Variants in HPSE2 observed in about 807,000 individuals in gnomAD.
HPSE2 encodes the protein inactive heparanase-2.
A neutral mutation model predicts 60.5 loss-of-function variants in HPSE2; 38 were observed. The ratio of observed to expected loss-of-function variants is 0.63; its 90% confidence interval spans 0.48 to 0.82. HPSE2 has a LOEUF of 0.82. Among genes scored for constraint, HPSE2 ranks in the 40% least tolerant of loss-of-function variants. The pLI is 0.00. For missense variants in HPSE2, 713 were observed against 740.4 expected (o/e 0.96, Z 0.43); for synonymous variants, 295 against 293.2 (o/e 1.01, Z -0.06).
intron 3 of HPSE2, among the ~76,000 whole-genome samples, chr10:98,859,133 T>A (rs1401006829): frequency 6.6e-6 from 1 of 152,232 alleles, no homozygotes. Flanking sequence ...AAAATTCAAT[T>A]TTCTACATCC....
intron 3 of HPSE2, among the ~76,000 whole-genome samples, chr10:98,910,219 C>G (rs984180741): frequency 1.3e-5 from 2 of 152,156 alleles, no homozygotes; most frequent in Non-Finnish European, 2.9e-5. Context: ...GCTAGTACTT[C>G]TGGTGCCCAG....
chr10:98,743,757 TG>T (rs1949558729), intron 4 of HPSE2, 125 bp downstream of exon 4: 2 of 841,916 alleles, frequency 2.4e-6, no homozygotes. Flanking sequence ...GTCAACTCAG[TG>T]GCCAAACATC....
chr10:99,001,670 C>T (rs1956779841), intron 3 of HPSE2, among the ~76,000 whole-genome samples: 1 of 152,000 alleles, frequency 6.6e-6, no homozygotes, highest in Non-Finnish European at 1.5e-5. Flanking sequence ...GGCCAAAGGA[C>T]CATAGCCACA....
At chr10:98,483,258 T>C (rs1023050350) in intron 10 of HPSE2, among the ~76,000 whole-genome samples, 3 of 152,198 alleles carry the variant, frequency 2.0e-5, no homozygotes, top group African/African-American at 7.2e-5. Flanking sequence ...TTTACATAAC[T>C]GGAATCACAT....
the HPSE2 span, among the ~76,000 whole-genome samples, chr10:99,257,774 T>A: frequency 6.6e-6 from 1 of 152,110 alleles, no homozygotes; most frequent in African/African-American, 2.4e-5. Context: ...CCTTTTGAAA[T>A]CACTAATAAA....
chr10:99,314,411 C>T, the HPSE2 span, among the ~76,000 whole-genome samples: 1 of 152,212 alleles, frequency 6.6e-6, no homozygotes, highest in East Asian at 1.9e-4. Flanking sequence ...GATCCTCCCA[C>T]CTCAGCCTCC....
At chr10:98,605,739 A>G (rs186748398) in intron 9 of HPSE2, among the ~76,000 whole-genome samples, 22 of 152,332 alleles carry the variant, frequency 1.4e-4, no homozygotes, top group Admixed American at 1.2e-3. Context: ...CATCAGGTGC[A>G]GGGAGCTTGA....
chr10:98,693,880 CA>C lies in HPSE2; in HGVS notation c.1004+19del, dbSNP rs1948142364. The C allele has an allele frequency of 6.3e-7, 1 of 1,595,532 alleles. No homozygotes were observed. Among genetic ancestry groups the C allele is most frequent in the Non-Finnish European group, 8.6e-7 (1 of 1,163,108 alleles). ...CACAGCAGCTGATAATAAGTAAGAG[CA>C]AAAATGGTGAATACCTACTGTTGCC... On this transcript the variant is annotated intron_variant, in intron 6 of 11. Coordinates refer to ENST00000370552, the MANE Select transcript of HPSE2 (RefSeq NM_021828.5).
intron 9 of HPSE2, among the ~76,000 whole-genome samples, chr10:98,499,040 G>C (rs1941943315): frequency 6.6e-6 from 1 of 152,214 alleles, no homozygotes. Flanking sequence ...TGGTGTTCCT[G>C]AGGAAGAAGA....
At chr10:99,209,276 A>T (rs2133904389) in intron 2 of HPSE2, among the ~76,000 whole-genome samples, 1 of 152,336 alleles carries the variant, frequency 6.6e-6, no homozygotes, top group South Asian at 2.1e-4. Flanking sequence ...GGAAGACTGA[A>T]ATCATATCAA....
At chr10:99,184,819 T>TATAGAG (rs1554912295) in intron 2 of HPSE2, among the ~76,000 whole-genome samples, 17 of 19,864 alleles carry the variant, frequency 8.6e-4, no homozygotes, top group African/African-American at 1.7e-3. Flanking sequence ...TATATATATA[T>TATAGAG]AGAGAGAGAG....
chr10:98,853,332 C>T (rs1418823237), intron 3 of HPSE2, among the ~76,000 whole-genome samples: 2 of 152,136 alleles, frequency 1.3e-5, no homozygotes, highest in Non-Finnish European at 2.9e-5. Flanking sequence ...TGTTTCATTC[C>T]TTTCCAGAGA....
chr10:99,214,952 G>A (rs900093287), intron 2 of HPSE2, among the ~76,000 whole-genome samples: 1 of 152,156 alleles, frequency 6.6e-6, no homozygotes, highest in Admixed American at 6.5e-5. Flanking sequence ...ATGCTGGTGA[G>A]GCTGTGGAGA....
chr10:98,942,013 A>C lies in HPSE2; in HGVS notation c.611-197957T>G, dbSNP rs544897325. Among the ~76,000 whole-genome samples, 14 of 143,530 alleles carry C rather than the reference A, an allele frequency of 9.8e-5. 1 individual carries two copies. In the South Asian group the frequency reaches 3.0e-3, roughly 30 times the overall value. 94.2% of individuals were successfully genotyped at this position (143,530 alleles called of 152,430 possible). On this transcript the variant is annotated intron_variant, in intron 3 of 11. Transcript: ENST00000370552. ...CCTATTTAATAAATGGTGCTGGGAA[A>C]ACTGGCTAGCCATAGGTAGAAAGCT...
Position 98,974,333 on chromosome 10 carries a change from T to TTTTG in HPSE2, c.610+169901_610+169904dup, listed in dbSNP as rs112356595. The stretch of plus-strand genomic sequence containing the variant: ...AGAAAGATTTGTAATGCCAAAGTTT[T>TTTTG]TTTGTTTGTTTGTTTGTTTTGAGAT... On this transcript the variant is annotated intron_variant, in intron 3 of 11. Coordinates refer to ENST00000370552, the MANE Select transcript of HPSE2 (RefSeq NM_021828.5). Among the ~76,000 whole-genome samples the TTTTG allele has an allele frequency of 1.8e-3, 268 of 151,476 alleles. 1 individual carries two copies. Among genetic ancestry groups the TTTTG allele is most frequent in the African/African-American group, 6.3e-3 (262 of 41,442 alleles).
rs193053499 is a variant in HPSE2 at position 98,571,843 on chromosome 10, C to A, written c.1320+43061G>T. Among the ~76,000 whole-genome samples, 54 of 152,152 alleles carry A rather than the reference C, an allele frequency of 3.5e-4. No homozygotes were observed. In the East Asian group the frequency reaches 0.01, roughly 28 times the overall value. On this transcript the variant is annotated intron_variant, in intron 9 of 11. Transcript: ENST00000370552. ...TTCAGGCACTGGCAGTTAAGCCAAGCTTATTTTCATAGCTGTGAGTCTCAC... is the reference window on the plus strand; with the variant it reads ...TTCAGGCACTGGCAGTTAAGCCAAGATTATTTTCATAGCTGTGAGTCTCAC...
At chr10:98,618,273 T>G (rs964904507) in intron 8 of HPSE2, among the ~76,000 whole-genome samples, 2 of 152,204 alleles carry the variant, frequency 1.3e-5, no homozygotes, top group Admixed American at 1.3e-4. Context: ...GCAAAGTGAC[T>G]GTAGGAATCT....
intron 3 of HPSE2, among the ~76,000 whole-genome samples, chr10:99,019,785 C>G (rs1363403358): frequency 2.6e-5 from 4 of 151,690 alleles, no homozygotes; most frequent in Non-Finnish European, 4.4e-5. Context: ...TCTTGGCTCA[C>G]TGCAACCTCT....
intron 9 of HPSE2, among the ~76,000 whole-genome samples, chr10:98,576,066 C>G (rs1228669426): frequency 1.3e-5 from 2 of 152,086 alleles, no homozygotes; most frequent in Non-Finnish European, 2.9e-5. Context: ...CCCTGTTTCA[C>G]TCTTTACTGA....
Sources: allele counts gnomAD v4.1 joint callset (sites outside exome capture counted in the v4.1 genomes callset), GRCh38; gene constraint gnomAD v4.1.1; transcripts MANE v1.5; gene names NCBI Gene and HGNC (gene_info 2026-07-23, HGNC 2026-07-21).